DNER: variants seen among roughly 807,000 people sequenced by gnomAD.
DNER encodes the protein delta/notch like EGF repeat containing, also known as delta and Notch-like epidermal growth factor-related receptor.
A neutral mutation model predicts 78.2 loss-of-function variants in DNER; 33 were observed. The ratio of observed to expected loss-of-function variants is 0.42; its 90% CI spans 0.32 to 0.56. DNER has a LOEUF of 0.56. DNER is among the 20% of genes least tolerant of loss of function. DNER has a pLI of 0.11. For missense variants in DNER, 918 were observed against 975.3 expected (o/e 0.94, Z 0.78); for synonymous variants, 417 against 384.8 (o/e 1.08, Z -0.98).
chr2:229,686,686 A>G (rs1470158592), intron 1 of DNER, among the ~76,000 whole-genome samples: 1 of 152,190 alleles, frequency 6.6e-6, no homozygotes, highest in Non-Finnish European at 1.5e-5. Flanking sequence ...CTCAGCTCAC[A>G]AACAAATCCT....
chr2:229,657,869 A>G (rs1443950396), intron 1 of DNER, among the ~76,000 whole-genome samples: 1 of 152,204 alleles, frequency 6.6e-6, no homozygotes, highest in African/African-American at 2.4e-5. Context: ...TCAGGCTTGC[A>G]ACTTCCTAAA....
chr2:229,594,634 A>C (rs1697673254), intron 1 of DNER, among the ~76,000 whole-genome samples: 1 of 151,908 alleles, frequency 6.6e-6, no homozygotes, highest in Non-Finnish European at 1.5e-5. Flanking sequence ...CAGGCAGAGG[A>C]GTTGAATGAC....
At chr2:229,518,253 T>C (rs1172419665) in intron 5 of DNER, among the ~76,000 whole-genome samples, 1 of 152,208 alleles carries the variant, frequency 6.6e-6, no homozygotes, top group Non-Finnish European at 1.5e-5. Context: ...AAACTGGATA[T>C]TGTCCAACAT....
intron 9 of DNER, among the ~76,000 whole-genome samples, chr2:229,416,165 G>T (rs1444627201): frequency 2.6e-5 from 4 of 152,118 alleles, no homozygotes; most frequent in Non-Finnish European, 5.9e-5. Context: ...CATGTTTCCT[G>T]TCTTTTCACT....
intron 8 of DNER, among the ~76,000 whole-genome samples, chr2:229,444,655 G>A (rs191665044): frequency 5.3e-5 from 8 of 152,270 alleles, no homozygotes; most frequent in Non-Finnish European, 7.4e-5. Context: ...GTGGGAGGCC[G>A]AGGCAGGCAG....
intron 1 of DNER, among the ~76,000 whole-genome samples, chr2:229,710,169 G>T (rs1167141791): frequency 2.6e-5 from 4 of 152,168 alleles, no homozygotes; most frequent in African/African-American, 9.7e-5. Context: ...CTGTGTCTTT[G>T]TCACCTCTGT....
chr2:229,406,600 G>A (rs1008381473), intron 10 of DNER, among the ~76,000 whole-genome samples: 7 of 152,226 alleles, frequency 4.6e-5, no homozygotes, highest in East Asian at 1.9e-4. Flanking sequence ...GAGAGGCTAC[G>A]CTCAGCACAT....
At chr2:229,547,840 G>A (rs1271229696) in intron 4 of DNER, among the ~76,000 whole-genome samples, 1 of 152,160 alleles carries the variant, frequency 6.6e-6, no homozygotes, top group East Asian at 1.9e-4. Context: ...ATAGTAGGTA[G>A]CAATAAATAT....
At chr2:229,366,097 T>C (rs1428779376) in intron 12 of DNER, among the ~76,000 whole-genome samples, 4 of 152,214 alleles carry the variant, frequency 2.6e-5, no homozygotes, top group Non-Finnish European at 1.5e-5. Context: ...GATGGGTTGA[T>C]CTGTGCAGCA....
intron 12 of DNER, among the ~76,000 whole-genome samples, chr2:229,363,310 T>C (rs1481280468): frequency 2.0e-5 from 3 of 152,224 alleles, no homozygotes; most frequent in Non-Finnish European, 4.4e-5. Context: ...GCTGCAGTCA[T>C]TCTGATCCAA....
rs1327972221 is a variant in DNER, at chr2:229,558,942, T to C, written c.848-11850A>G. On this transcript the variant is annotated intron_variant, in intron 4 of 12. Coordinates refer to ENST00000341772, the MANE Select transcript of DNER (RefSeq NM_139072.4). ...GATGTGGATTCCTTGCCAAGCACCATGGGAATCCATTGGAGAGTTTTAAGC... is the reference window on the plus strand; with the variant it reads ...GATGTGGATTCCTTGCCAAGCACCACGGGAATCCATTGGAGAGTTTTAAGC... Among the ~76,000 whole-genome samples, 3 of 152,128 alleles carry C rather than the reference T, an allele frequency of 2.0e-5. No homozygotes were observed. In the East Asian group the frequency reaches 5.8e-4, roughly 29 times the overall value.
At chr2:229,501,522 T>C (rs911189748) in intron 6 of DNER, among the ~76,000 whole-genome samples, 1 of 152,120 alleles carries the variant, frequency 6.6e-6, no homozygotes, top group African/African-American at 2.4e-5. Context: ...GATTCTTTGC[T>C]GAAAATATTT....
At chr2:229,673,775 T>C (rs1163170495) in intron 1 of DNER, among the ~76,000 whole-genome samples, 1 of 152,224 alleles carries the variant, frequency 6.6e-6, no homozygotes, top group Non-Finnish European at 1.5e-5. Context: ...ACAGACAGAC[T>C]GAACTGGTTT....
intron 7 of DNER, among the ~76,000 whole-genome samples, chr2:229,460,510 C>T (rs6733485): frequency 0.74 from 112,341 of 151,780 alleles, 42,001 homozygotes; most frequent in African/African-American, 0.83. Context: ...GCCATATTTT[C>T]AGGAGAACTT....
intron 6 of DNER, among the ~76,000 whole-genome samples, chr2:229,485,786 G>C (rs1695256825): frequency 6.6e-6 from 1 of 151,976 alleles, no homozygotes; most frequent in African/African-American, 2.4e-5. Flanking sequence ...TTTTGTGTAT[G>C]ATGTTTACTT....
At chr2:229,652,763 A>G (rs1263359029) in intron 1 of DNER, among the ~76,000 whole-genome samples, 2 of 152,204 alleles carry the variant, frequency 1.3e-5, no homozygotes, top group Admixed American at 6.5e-5. Flanking sequence ...AAATACAGGA[A>G]TCAACATTAA....
chr2:229,655,015 TA>T (rs547138164), intron 1 of DNER, among the ~76,000 whole-genome samples: 55 of 152,056 alleles, frequency 3.6e-4, no homozygotes, highest in African/African-American at 1.1e-3. Context: ...TCAGATGTTT[TA>T]AAAAAAATTC....
chr2:229,516,397 A>G (rs1695971434), intron 5 of DNER, among the ~76,000 whole-genome samples: 1 of 152,350 alleles, frequency 6.6e-6, no homozygotes, highest in East Asian at 1.9e-4. Context: ...CTAATCACTA[A>G]TCTAACTCCA....
intron 10 of DNER, among the ~76,000 whole-genome samples, chr2:229,391,879 T>C (rs887398126): frequency 2.0e-5 from 3 of 152,116 alleles, no homozygotes; most frequent in Non-Finnish European, 4.4e-5. Flanking sequence ...TGTGAGGCAA[T>C]ATGTAAGTAC....
Sources: gnomAD v4.1 joint callset for allele counts (sites outside exome capture counted in the v4.1 genomes callset) on GRCh38, gnomAD v4.1.1 for gene constraint, MANE v1.5 for transcripts, NCBI Gene and HGNC (gene_info 2026-07-23, HGNC 2026-07-21) for gene names.